The following GNG7 variants were observed in gnomAD, a reference collection of about 807,000 sequenced individuals.
GNG7 encodes the protein guanine nucleotide-binding protein G(I)/G(S)/G(O) subunit gamma-7.
A neutral mutation model predicts 4.0 loss-of-function variants in GNG7; 1 was observed. The ratio of observed to expected loss-of-function variants is 0.25; its 90% CI spans 0.09 to 1.18. GNG7 has a LOEUF of 1.18. Among genes scored for constraint, GNG7 ranks in the 50% most tolerant of loss-of-function variants. The probability of loss-of-function intolerance (pLI) is 0.50; values close to 1 mark genes in which losing one functional copy is unlikely to be tolerated. For synonymous variants in GNG7, 34 were observed against 36.9 expected (o/e 0.92, Z 0.29); for missense variants, 86 against 91.9 (o/e 0.94, Z 0.26).
intron 4 of GNG7, among the ~76,000 whole-genome samples, chr19:2,519,597 A>ATTTTTTTT (rs1170074823): frequency 7.1e-6 from 1 of 140,640 alleles, no homozygotes; most frequent in Non-Finnish European, 1.5e-5. Flanking sequence ...CACATGCAAA[A>ATTTTTTTT]TTTTTTTTTT....
chr19:2,524,436 T>C (rs1355516108), intron 3 of GNG7, among the ~76,000 whole-genome samples: 8 of 152,232 alleles, frequency 5.3e-5, no homozygotes, highest in Admixed American at 6.5e-5. Context: ...TGTATGTGTG[T>C]GCACATGTGC....
intron 1 of GNG7, among the ~76,000 whole-genome samples, chr19:2,681,765 G>A (rs879749564): frequency 2.0e-5 from 3 of 152,068 alleles, no homozygotes; most frequent in Non-Finnish European, 4.4e-5. Flanking sequence ...CTACCTCCCC[G>A]TGAGCCCTTG....
At chr19:2,563,125 C>A (rs1035971222) in intron 2 of GNG7, among the ~76,000 whole-genome samples, 1 of 151,406 alleles carries the variant, frequency 6.6e-6, no homozygotes, top group Non-Finnish European at 1.5e-5. Context: ...TTTTTTTGTA[C>A]TTTTAGTAAA....
At chr19:2,624,387 C>T (rs1000311566) in intron 2 of GNG7, among the ~76,000 whole-genome samples, 13 of 151,576 alleles carry the variant, frequency 8.6e-5, no homozygotes, top group Non-Finnish European at 1.0e-4. Flanking sequence ...AAAAATTAGC[C>T]GGGCGTGGTG....
intron 1 of GNG7, among the ~76,000 whole-genome samples, chr19:2,660,106 C>T (rs758581116): frequency 2.0e-5 from 3 of 152,236 alleles, no homozygotes; most frequent in South Asian, 2.1e-4. Flanking sequence ...TAGCCTCTGT[C>T]GGATTACTCA....
chr19:2,537,126 T>C (rs1978766897), intron 3 of GNG7, among the ~76,000 whole-genome samples: 1 of 150,030 alleles, frequency 6.7e-6, no homozygotes, highest in African/African-American at 2.5e-5. Context: ...TTTTGTATTT[T>C]GTTTAGTAGA....
chr19:2,681,991 C>T (rs1200423658), intron 1 of GNG7, among the ~76,000 whole-genome samples: 1 of 152,130 alleles, frequency 6.6e-6, no homozygotes, highest in Admixed American at 6.5e-5. Context: ...CTCACTGCAA[C>T]CTCCGCCTCC....
chr19:2,568,607 A>G (rs1269717124), intron 2 of GNG7, among the ~76,000 whole-genome samples: 1 of 151,668 alleles, frequency 6.6e-6, no homozygotes, highest in Non-Finnish European at 1.5e-5. Flanking sequence ...ATAGACATAC[A>G]CACATATATA....
chr19:2,633,629 C>G lies in GNG7; in HGVS notation c.-78+12595G>C, dbSNP rs139658994. 1.9e-4 allele frequency among the ~76,000 whole-genome samples: 29 copies of G among 152,020 alleles called. No individual in the cohort carries two copies. Among genetic ancestry groups the G allele is most frequent in the Non-Finnish European group, 1.5e-5 (1 of 67,980 alleles). ...GGTATGGAGCCTCAATCAGTAGAGT[C>G]AGGTGGTCGCAATAACAGCTCTGAA... is the stretch of plus-strand genomic sequence containing the variant. On this transcript the variant is annotated intron_variant, in intron 2 of 4. Coordinates refer to ENST00000382159, the MANE Select transcript of GNG7 (RefSeq NM_052847.3). The surrounding 1 kb of genome is among the most constrained non-coding windows in gnomAD (Gnocchi z 5.9).
intron 1 of GNG7, among the ~76,000 whole-genome samples, chr19:2,650,684 G>T: frequency 6.6e-6 from 1 of 152,302 alleles, no homozygotes; most frequent in East Asian, 1.9e-4. Context: ...GGGTGAAGCC[G>T]CATCCCAGCC....
chr19:2,689,361 G>T (rs1026165428), intron 1 of GNG7, among the ~76,000 whole-genome samples: 1 of 151,718 alleles, frequency 6.6e-6, no homozygotes. Flanking sequence ...GGCCGGGCTC[G>T]GTGGGCCTCC....
At chr19:2,537,670 G>C (rs1294152878) in intron 3 of GNG7, among the ~76,000 whole-genome samples, 5 of 151,830 alleles carry the variant, frequency 3.3e-5, no homozygotes, top group African/African-American at 1.2e-4. Flanking sequence ...ACTGGCCCTG[G>C]AGTGGGGGTT....
chr19:2,519,597 AT>A (rs1170074823), intron 4 of GNG7, among the ~76,000 whole-genome samples: 102 of 140,620 alleles, frequency 7.3e-4, no homozygotes, highest in African/African-American at 1.7e-3. Context: ...CACATGCAAA[AT>A]TTTTTTTTTT....
intron 1 of GNG7, among the ~76,000 whole-genome samples, chr19:2,663,522 A>T (rs994758549): frequency 2.0e-5 from 3 of 152,186 alleles, no homozygotes; most frequent in Non-Finnish European, 2.9e-5. Context: ...TATCCAGTCT[A>T]TGGCATTCCA....
chr19:2,513,473 C>T lies in GNG7; in HGVS notation c.*1549G>A, dbSNP rs1319621649. ...TGGAAGATGTGGCTGCACCTGCTCCCGTCCGTGCCGCAGAGGAGGACGCAG... is the reference window on the plus strand; with the variant it reads ...TGGAAGATGTGGCTGCACCTGCTCCTGTCCGTGCCGCAGAGGAGGACGCAG... On this transcript the variant is annotated 3_prime_UTR_variant, in exon 5 of 5. Transcript: ENST00000382159. 2.0e-6 allele frequency: 2 copies of T among 978,002 alleles called. No homozygotes were observed. The highest frequency in any genetic ancestry group is 2.4e-6 in the Non-Finnish European group (2 of 823,116). The allele number at this position is 978,002 out of a possible 1,614,324, so 60.6% of individuals were successfully genotyped here. A position where few individuals can be genotyped will look rare whatever the true frequency, so the allele number is the denominator to read the frequency against.
In GNG7 at chr19:2,625,553, G is replaced by A. The variant is rs77989165; in HGVS notation, c.-78+20671C>T. ...TCTTCTCCTCGGTCACGGGGATCAG[G>A]AAGCAGAGAACCAAGGTTCTGCCAC... is the stretch of plus-strand genomic sequence containing the variant. On this transcript the variant is annotated intron_variant, in intron 2 of 4. Coordinates refer to ENST00000382159, the MANE Select transcript of GNG7 (RefSeq NM_052847.3). 2.9e-3 allele frequency among the ~76,000 whole-genome samples: 434 copies of A among 152,160 alleles called. 1 individual carries two copies. The highest frequency in any genetic ancestry group is 1.0e-2 in the African/African-American group (414 of 41,522).
intron 4 of GNG7, chr19:2,516,999 G>A (rs1434668346): frequency 2.6e-5 from 4 of 152,326 alleles, no homozygotes; most frequent in South Asian, 2.1e-4. Flanking sequence ...ACGGGGACAC[G>A]TCCATCTGGC....
chr19:2,616,940 C>T (rs1278742693), intron 2 of GNG7, among the ~76,000 whole-genome samples: 3 of 152,146 alleles, frequency 2.0e-5, no homozygotes, highest in Non-Finnish European at 4.4e-5. Context: ...AGTGCAGCTC[C>T]GCCTCCCTGG....
intron 1 of GNG7, among the ~76,000 whole-genome samples, chr19:2,674,954 G>A (rs988758784): frequency 2.0e-5 from 3 of 152,130 alleles, no homozygotes; most frequent in Admixed American, 2.0e-4. Flanking sequence ...ATGCTCTTTC[G>A]TAATGTATAC....
Sources: allele counts gnomAD v4.1 joint callset (sites outside exome capture counted in the v4.1 genomes callset), GRCh38; gene constraint gnomAD v4.1.1; non-coding constraint Gnocchi (gnomAD v3.1); transcripts MANE v1.5; gene names NCBI Gene and HGNC (gene_info 2026-07-23, HGNC 2026-07-21).